Variants in RSRC1 observed in about 807,000 individuals in gnomAD.
RSRC1 encodes the protein serine/Arginine-related protein 53.
RSRC1 carries 39 observed loss-of-function variants against 49.1 expected under a neutral mutation model. That is an observed-to-expected ratio of 0.79 (90% CI 0.61 to 1.04). The LOEUF is 1.04. Ranked by LOEUF, RSRC1 falls within the 50% of genes least tolerant of loss-of-function variation. RSRC1 has a pLI of 0.00. For missense variants in RSRC1, 388 were observed against 402.4 expected (o/e 0.96, Z 0.31); for synonymous variants, 143 against 130.8 (o/e 1.09, Z -0.63).
chr3:158,210,301 A>G (rs536907944), intron 4 of RSRC1, among the ~76,000 whole-genome samples: 5 of 152,146 alleles, frequency 3.3e-5, no homozygotes, highest in African/African-American at 1.2e-4. Context: ...CACACTTCCA[A>G]TGTGACAGCA....
chr3:158,152,911 A>C (rs1717634989), intron 3 of RSRC1, among the ~76,000 whole-genome samples: 1 of 152,198 alleles, frequency 6.6e-6, no homozygotes, highest in South Asian at 2.1e-4. Flanking sequence ...GACATCTTTT[A>C]ATTATGATCT....
At chr3:158,254,551 C>A (rs556866432) in intron 4 of RSRC1, among the ~76,000 whole-genome samples, 6 of 152,228 alleles carry the variant, frequency 3.9e-5, no homozygotes, top group African/African-American at 9.6e-5. Flanking sequence ...CCTGCCTCAC[C>A]CTCCCGAGTA....
At chr3:158,389,192 C>G (rs1336916739) in intron 6 of RSRC1, among the ~76,000 whole-genome samples, 1 of 152,238 alleles carries the variant, frequency 6.6e-6, no homozygotes, top group East Asian at 1.9e-4. Flanking sequence ...CTCTACTGAT[C>G]AGAAATAAAC....
chr3:158,454,476 G>T (rs958925739), intron 6 of RSRC1, among the ~76,000 whole-genome samples: 2 of 151,938 alleles, frequency 1.3e-5, no homozygotes, highest in Non-Finnish European at 2.9e-5. Context: ...GGGAAAATTC[G>T]TTGGTAAGAT....
At chr3:158,191,354 T>C (rs1283263774) in intron 3 of RSRC1, among the ~76,000 whole-genome samples, 1 of 152,118 alleles carries the variant, frequency 6.6e-6, no homozygotes, top group African/African-American at 2.4e-5. Flanking sequence ...ATGGTAAATG[T>C]AATCTTTATT....
chr3:158,462,997 A>G (rs1026822830), intron 7 of RSRC1, among the ~76,000 whole-genome samples: 2 of 151,992 alleles, frequency 1.3e-5, no homozygotes, highest in African/African-American at 2.4e-5. Flanking sequence ...TGCCTAACAC[A>G]TAGTAGAAAC....
At chr3:158,527,197 C>T (rs1712095507) in intron 7 of RSRC1, among the ~76,000 whole-genome samples, 1 of 149,434 alleles carries the variant, frequency 6.7e-6, no homozygotes, top group South Asian at 2.1e-4. Flanking sequence ...TCCAAGCTGA[C>T]TGGGCTGGCA....
intron 3 of RSRC1, among the ~76,000 whole-genome samples, chr3:158,200,773 C>T (rs1011092113): frequency 6.6e-6 from 1 of 152,032 alleles, no homozygotes; most frequent in African/African-American, 2.4e-5. Flanking sequence ...AGTATAGGTT[C>T]ATTTACCTGC....
intron 4 of RSRC1, among the ~76,000 whole-genome samples, chr3:158,288,917 A>G (rs1458990375): frequency 7.6e-6 from 1 of 132,236 alleles, no homozygotes; most frequent in Non-Finnish European, 1.5e-5. Context: ...GACTGACTGT[A>G]CTAGCCTTGG....
chr3:158,492,792 G>A (rs1187285597), intron 7 of RSRC1, among the ~76,000 whole-genome samples: 1 of 152,132 alleles, frequency 6.6e-6, no homozygotes, highest in South Asian at 2.1e-4. Context: ...TCTCATTGCT[G>A]TCTTTACAAC....
intron 6 of RSRC1, among the ~76,000 whole-genome samples, chr3:158,457,472 G>A (rs1256077504): frequency 2.0e-5 from 3 of 152,118 alleles, no homozygotes; most frequent in African/African-American, 7.2e-5. Flanking sequence ...TATCTGTTTG[G>A]CAGTGTCCAG....
chr3:158,121,357 T>G (rs1715248045), intron 1 of RSRC1, among the ~76,000 whole-genome samples: 1 of 151,752 alleles, frequency 6.6e-6, no homozygotes. Flanking sequence ...CTGTTATAGA[T>G]ATAATATCTA....
intron 6 of RSRC1, among the ~76,000 whole-genome samples, chr3:158,402,929 C>G (rs1267213747): frequency 1.3e-5 from 2 of 151,792 alleles, no homozygotes; most frequent in Non-Finnish European, 3.0e-5. Context: ...TGCTGTCCAG[C>G]AGATACATTT....
intron 7 of RSRC1, among the ~76,000 whole-genome samples, chr3:158,511,572 G>T (rs62287885): frequency 4.6e-5 from 7 of 151,904 alleles, no homozygotes; most frequent in Non-Finnish European, 8.8e-5. Flanking sequence ...GAATAGTGCC[G>T]CAATAAACAT....
intron 8 of RSRC1, among the ~76,000 whole-genome samples, chr3:158,542,678 T>C (rs1713102507): frequency 1.3e-5 from 2 of 152,270 alleles, no homozygotes; most frequent in South Asian, 4.1e-4. Context: ...TTGGAAGGAA[T>C]GGGGAATGAT....
chr3:158,240,321 T>C (rs1422161465), intron 4 of RSRC1, among the ~76,000 whole-genome samples: 1 of 152,134 alleles, frequency 6.6e-6, no homozygotes, highest in East Asian at 1.9e-4. Flanking sequence ...CAATTCTTAG[T>C]TGGGGAAGGA....
chr3:158,467,998 A>T (rs1578516435), intron 7 of RSRC1, among the ~76,000 whole-genome samples: 2 of 152,204 alleles, frequency 1.3e-5, no homozygotes, highest in African/African-American at 4.8e-5. Context: ...CAGTAGCACA[A>T]TCTTGGCTCA....
At chr3:158,443,491 C>T (rs994572769) in intron 6 of RSRC1, among the ~76,000 whole-genome samples, 1 of 152,182 alleles carries the variant, frequency 6.6e-6, no homozygotes, top group African/African-American at 2.4e-5. Flanking sequence ...CAGCAGCTTC[C>T]TCACCTCTGT....
At chr3:158,488,390 A>G (rs1426073933) in intron 7 of RSRC1, among the ~76,000 whole-genome samples, 2 of 152,172 alleles carry the variant, frequency 1.3e-5, no homozygotes, top group Admixed American at 1.3e-4. Flanking sequence ...GAAATATGAT[A>G]TTAATACCTG....
Sources: gnomAD v4.1 joint callset for allele counts (sites outside exome capture counted in the v4.1 genomes callset) on GRCh38, gnomAD v4.1.1 for gene constraint, MANE v1.5 for transcripts, NCBI Gene and HGNC (gene_info 2026-07-23, HGNC 2026-07-21) for gene names.